ME2: variants seen among roughly 807,000 people sequenced by gnomAD.
ME2 encodes NAD-dependent malic enzyme, mitochondrial.
In ME2, 60 loss-of-function variants were observed where a neutral mutation model predicts 73.7. The observed-to-expected ratio is 0.81, with a 90% CI of 0.66 to 1.01. ME2 has a LOEUF of 1.01. Ranked by LOEUF, ME2 falls within the 50% of genes least tolerant of loss-of-function variation. The pLI is 0.00. For synonymous variants in ME2, 199 were observed against 236.9 expected (o/e 0.84, Z 1.47); for missense variants, 594 against 705.5 (o/e 0.84, Z 1.79).
chr18:50,896,255 C>A (rs1916742220), intron 2 of ME2, among the ~76,000 whole-genome samples: 2 of 152,210 alleles, frequency 1.3e-5, no homozygotes, highest in South Asian at 4.1e-4. Flanking sequence ...TTCCCCAGCT[C>A]ATATCAGGTA....
intron 15 of ME2, among the ~76,000 whole-genome samples, chr18:50,941,261 CAAA>C (rs35785739): frequency 0.53 from 47,085 of 89,516 alleles, 10,486 homozygotes; most frequent in South Asian, 0.66. Context: ...AACTCCATCT[CAAA>C]AAAAAAAAAA....
intron 1 of ME2, among the ~76,000 whole-genome samples, chr18:50,889,810 A>T (rs965135362): frequency 7.9e-5 from 12 of 152,302 alleles, no homozygotes; most frequent in African/African-American, 2.9e-4. Context: ...TTATTTGGCA[A>T]TGCTTCCCAT....
chr18:50,921,817 C>T (rs1917438781), intron 10 of ME2, among the ~76,000 whole-genome samples: 1 of 152,150 alleles, frequency 6.6e-6, no homozygotes, highest in Non-Finnish European at 1.5e-5. Flanking sequence ...GCATGTGCTC[C>T]TGAAACCAAT....
chr18:50,890,286 G>A (rs1052817048), intron 1 of ME2, among the ~76,000 whole-genome samples: 23 of 151,702 alleles, frequency 1.5e-4, no homozygotes, highest in Non-Finnish European at 2.9e-4. Context: ...TTCTTTTTTT[G>A]TACTTTTTGT....
chr18:50,931,787 G>A (rs1193772183), intron 12 of ME2, among the ~76,000 whole-genome samples: 1 of 151,468 alleles, frequency 6.6e-6, no homozygotes, highest in Admixed American at 6.6e-5. Context: ...TGATTCTCCC[G>A]CCTCAGGCTC....
At chr18:50,884,842 T>TTGTG (rs10599201) in intron 1 of ME2, among the ~76,000 whole-genome samples, 3 of 150,556 alleles carry the variant, frequency 2.0e-5, no homozygotes, top group Non-Finnish European at 4.4e-5. Flanking sequence ...TTGTGTGTGT[T>TTGTG]TGTGTGTGTG....
rs1325891733 is a variant in ME2, at chr18:50,891,733, A to G, written c.-12-4076A>G. Among the ~76,000 whole-genome samples, 13 of 152,126 alleles carry G rather than the reference A, an allele frequency of 8.5e-5. 1 individual carries two copies. The highest frequency in any genetic ancestry group is 8.5e-4 in the Admixed American group (13 of 15,272). On this transcript the variant is annotated intron_variant, in intron 1 of 15. Transcript: ENST00000321341. ...GGTGTGTATGTATGGTGTCTCTAGT[A>G]TCACACAAATTTGTGGGGGGCATTG...
intron 11 of ME2, 89 bp downstream of exon 11, chr18:50,924,301 G>T: frequency 1.1e-6 from 1 of 874,754 alleles, no homozygotes; most frequent in South Asian, 1.8e-5. Flanking sequence ...AAAATGAATT[G>T]GCAGTTTTAC....
rs374168264 is a variant in ME2, at chr18:50,947,136, G to A, written c.1707G>A (p.Val569=). ...RSEYDSLLPD[V]YEWPESASSP... is the part of the protein sequence containing the mutation. Reference sequence around the variant, plus strand: ...AATATGATTCCCTGCTGCCAGATGTGTATGAATGGCCAGAATCTGCATCAA... The same window carrying A: ...AATATGATTCCCTGCTGCCAGATGTATATGAATGGCCAGAATCTGCATCAA... Residue 569 remains valine, a synonymous_variant, in exon 16 of 16, where the codon GTG becomes GTA. Transcript: ENST00000321341. 3 of 1,613,724 alleles carry A rather than the reference G, an allele frequency of 1.9e-6. No individual in the cohort carries two copies. The highest frequency in any genetic ancestry group is 3.3e-5 in the Admixed American group (2 of 59,986).
intron 11 of ME2, 91 bp from the exon 12 acceptor site, chr18:50,925,664 TA>T: frequency 9.6e-7 from 1 of 1,042,318 alleles, no homozygotes; most frequent in South Asian, 1.5e-5. Flanking sequence ...CCTGTGTTTT[TA>T]TTATTGTAGG....
chr18:50,902,219 T>C (rs1916907844), intron 2 of ME2, among the ~76,000 whole-genome samples: 1 of 152,202 alleles, frequency 6.6e-6, no homozygotes, highest in African/African-American at 2.4e-5. Context: ...AAGGACATGC[T>C]CAAGCTTTGT....
At chr18:50,883,834 GC>G (rs1181903746) in intron 1 of ME2, among the ~76,000 whole-genome samples, 1 of 152,166 alleles carries the variant, frequency 6.6e-6, no homozygotes, top group Non-Finnish European at 1.5e-5. Context: ...TTACACTCCA[GC>G]CTGGGTGACA....
chr18:50,896,043 T>G (rs1916735659), intron 2 of ME2, 115 bp downstream of exon 2: 3 of 693,782 alleles, frequency 4.3e-6, no homozygotes, highest in Non-Finnish European at 7.0e-6. Flanking sequence ...TGTTCAGAGA[T>G]AGTTGTTTAC....
chr18:50,895,003 C>T (rs1458718682), intron 1 of ME2, among the ~76,000 whole-genome samples: 2 of 149,804 alleles, frequency 1.3e-5, no homozygotes, highest in Non-Finnish European at 3.0e-5. Flanking sequence ...CCCCTTCACA[C>T]ATATCATGGA....
At position 50,912,903 on chromosome 18, in the gene ME2, G is replaced by A. The variant is rs1286107155; in HGVS notation, c.345G>A (p.Thr115=). Residue 115 remains threonine, a synonymous_variant, in exon 4 of 16, where the codon ACG becomes ACA. Transcript: ENST00000321341. The stretch of plus-strand genomic sequence containing the variant: ...TAATGCCAATTGTATATACACCGAC[G>A]GTTGGTCTTGCCTGCTCCCAGTATG... ...ESLMPIVYTP[T]VGLACSQYGH... 19 of 1,611,274 alleles carry A rather than the reference G, an allele frequency of 1.2e-5. No individual in the cohort carries two copies. Among genetic ancestry groups the A allele is most frequent in the Middle Eastern group, 1.6e-4 (1 of 6,070 alleles).
Position 50,921,152 on chromosome 18 carries a change from A to C in ME2, c.1021A>C (p.Ile341Leu). Residue 341 changes from isoleucine (I) to leucine (L), a missense_variant, in exon 10 of 16, where the codon ATC becomes CTC. Coordinates refer to ENST00000321341, the MANE Select transcript of ME2 (RefSeq NM_002396.5). The part of the protein sequence containing the change: ...GLSEQEAQKK[I>L]WMFDKYGLLV... ...GTCAGAACAAGAGGCACAAAAGAAA[A>C]TCTGGATGTTTGACAAGTATGGTTT... The C allele has an allele frequency of 6.3e-7, 1 of 1,599,876 alleles. No homozygotes were observed. The highest frequency in any genetic ancestry group is 1.7e-4 in the Middle Eastern group (1 of 6,014).
intron 15 of ME2, among the ~76,000 whole-genome samples, chr18:50,940,596 C>G (rs1917924350): frequency 2.0e-5 from 3 of 152,134 alleles, no homozygotes; most frequent in Admixed American, 2.0e-4. Flanking sequence ...TACATGCATA[C>G]ACACATGCAT....
chr18:50,907,622 G>T (rs1917046010), intron 2 of ME2, among the ~76,000 whole-genome samples: 1 of 152,056 alleles, frequency 6.6e-6, no homozygotes, highest in Non-Finnish European at 1.5e-5. Flanking sequence ...GTATTTCATG[G>T]TATGAATATA....
intron 13 of ME2, chr18:50,934,472 C>T (rs565751494): frequency 6.6e-6 from 1 of 152,122 alleles, no homozygotes; most frequent in South Asian, 2.1e-4. Flanking sequence ...CATAGTGAGA[C>T]CTTGTTTCTT....
Sources: gnomAD v4.1 joint callset for allele counts (sites outside exome capture counted in the v4.1 genomes callset) on GRCh38, gnomAD v4.1.1 for gene constraint, MANE v1.5 for transcripts, NCBI Gene and HGNC (gene_info 2026-07-23, HGNC 2026-07-21) for gene names.